MAGI1: variants seen among roughly 807,000 people sequenced by gnomAD.
MAGI1 encodes the protein membrane-associated guanylate kinase, WW and PDZ domain-containing protein 1.
MAGI1 carries 58 observed loss-of-function variants against 139.9 expected under a neutral mutation model. That is an observed-to-expected ratio of 0.41 (90% CI 0.34 to 0.52). The LOEUF is 0.52. Among genes scored for constraint, MAGI1 ranks in the 20% least tolerant of loss-of-function variants. The probability of loss-of-function intolerance (pLI) is 0.12; values close to 1 mark genes in which losing one functional copy is unlikely to be tolerated. For synonymous variants in MAGI1, 812 were observed against 737.9 expected (o/e 1.10, Z -1.63); for missense variants, 1,874 against 1,901.6 (o/e 0.99, Z 0.27).
At chr3:65,963,973 A>G (rs950192017) in intron 1 of MAGI1, among the ~76,000 whole-genome samples, 4 of 152,238 alleles carry the variant, frequency 2.6e-5, no homozygotes, top group African/African-American at 9.6e-5. Flanking sequence ...TGACTAAGCC[A>G]AGCTTCCAAT....
At chr3:65,870,716 GAAAA>G (rs112844485) in intron 1 of MAGI1, among the ~76,000 whole-genome samples, 1 of 124,996 alleles carries the variant, frequency 8.0e-6, no homozygotes, top group Non-Finnish European at 1.7e-5. Flanking sequence ...CCATTTTAGT[GAAAA>G]AAAAAAAAAA....
intron 1 of MAGI1, chr3:65,687,969 A>G (rs1209207228): frequency 5.1e-6 from 4 of 788,722 alleles, no homozygotes; most frequent in Non-Finnish European, 8.9e-6. Context: ...AGTTAAAGTT[A>G]TCATCAGACT....
chr3:65,609,262 ATCTC>A (rs780824422), intron 2 of MAGI1, among the ~76,000 whole-genome samples: 226 of 149,984 alleles, frequency 1.5e-3, no homozygotes, highest in Non-Finnish European at 1.9e-3. Flanking sequence ...TTTCATCTCT[ATCTC>A]TCTCTCTCTC....
chr3:65,381,980 C>T lies in MAGI1; in HGVS notation c.2598G>A (p.Thr866=). 2.5e-6 allele frequency: 4 copies of T among 1,614,126 alleles called. No homozygotes were observed. Among genetic ancestry groups the T allele is most frequent in the Non-Finnish European group, 3.4e-6 (4 of 1,180,024 alleles). ...GCTGGTGTGATTTTCCAATTACTGG[C>T]GTCCCATCCACACAGATTAATTCAT... ...SGDELICVDG[T]PVIGKSHQLV... The change falls in exon 16 of 23, where the codon ACG becomes ACA. Residue 866 remains threonine (T), a synonymous_variant. Coordinates refer to ENST00000402939, the MANE Select transcript of MAGI1 (RefSeq NM_001033057.2).
intron 1 of MAGI1, among the ~76,000 whole-genome samples, chr3:65,959,850 G>C (rs2064336727): frequency 1.7e-5 from 2 of 116,968 alleles, no homozygotes; most frequent in African/African-American, 3.2e-5. Flanking sequence ...CTGTCGCCCA[G>C]GCTGGAGTGC....
chr3:65,608,793 C>T (rs1157493735), intron 2 of MAGI1, among the ~76,000 whole-genome samples: 1 of 152,106 alleles, frequency 6.6e-6, no homozygotes, highest in African/African-American at 2.4e-5. Context: ...GAATTGTGCA[C>T]ATATGTCCAT....
In MAGI1 at chr3:65,743,149, G is replaced by C. The variant is rs534167796; in HGVS notation, c.314-121061C>G. Among the ~76,000 whole-genome samples the C allele has an allele frequency of 7.9e-5, 12 of 152,202 alleles. No individual in the cohort carries two copies. In the East Asian group the frequency reaches 1.2e-3, roughly 15 times the overall value. ...ACCACATCATCTCATTATCACTCTT[G>C]AGATCACTTGTTAAAATAAATAATG... On this transcript the variant is annotated intron_variant, in intron 1 of 22. Coordinates refer to ENST00000402939, the MANE Select transcript of MAGI1 (RefSeq NM_001033057.2).
chr3:65,583,553 A>G (rs1026978027), intron 2 of MAGI1, among the ~76,000 whole-genome samples: 7 of 152,082 alleles, frequency 4.6e-5, no homozygotes, highest in Admixed American at 3.3e-4. Context: ...GGAACTAACT[A>G]CAAGGTTTTT....
chr3:65,950,049 A>AC (rs1160023416), intron 1 of MAGI1, among the ~76,000 whole-genome samples: 8 of 106,474 alleles, frequency 7.5e-5, no homozygotes, highest in Non-Finnish European at 1.4e-4. Context: ...ATCATCAAAA[A>AC]AAAAAAAAAC....
chr3:65,443,710 A>G (rs1468730945), intron 7 of MAGI1, among the ~76,000 whole-genome samples: 1 of 152,146 alleles, frequency 6.6e-6, no homozygotes, highest in Non-Finnish European at 1.5e-5. Context: ...CAATCCTTTC[A>G]GGCAGAACAA....
chr3:65,448,212 T>C, intron 6 of MAGI1, 155 bp from the exon 7 acceptor site: 1 of 711,860 alleles, frequency 1.4e-6, no homozygotes, highest in Non-Finnish European at 2.5e-6. Context: ...TTGGCTTGGA[T>C]AGTAAACTTG....
chr3:65,735,486 A>T (rs1402651284), intron 1 of MAGI1, among the ~76,000 whole-genome samples: 2 of 152,128 alleles, frequency 1.3e-5, no homozygotes, highest in East Asian at 3.9e-4. Context: ...GCGAGATTCC[A>T]TTAAGTTGAT....
Position 65,360,341 on chromosome 3 carries a change from A to G in MAGI1, c.3634+858T>C, listed in dbSNP as rs1319343143. On this transcript the variant is annotated intron_variant, in intron 22 of 22. Coordinates refer to ENST00000402939, the MANE Select transcript of MAGI1 (RefSeq NM_001033057.2). ...GGAAAAAAAGCCCTACATCTAGGGC[A>G]TAGCTTCTTCTTTTTTTTTTTTTTT... 5 of 978,900 alleles carry G rather than the reference A, an allele frequency of 5.1e-6. No individual in the cohort carries two copies. The East Asian group carries it at 3.4e-4, about 67-fold the overall frequency. The allele number at this position is 978,900 out of a possible 1,614,324, so 60.6% of individuals were successfully genotyped here. A position where few individuals can be genotyped will look rare whatever the true frequency, so the allele number is the denominator to read the frequency against.
chr3:65,831,963 G>A (rs2042554357), intron 1 of MAGI1, among the ~76,000 whole-genome samples: 1 of 152,134 alleles, frequency 6.6e-6, no homozygotes. Context: ...AATTGTGGGG[G>A]CCTTGCCTTT....
intron 1 of MAGI1, among the ~76,000 whole-genome samples, chr3:65,704,457 A>G (rs1422323356): frequency 6.6e-6 from 1 of 152,106 alleles, no homozygotes; most frequent in Non-Finnish European, 1.5e-5. Context: ...CAGGCTTCCT[A>G]CGGGGTTTCT....
At chr3:65,518,462 G>C (rs185787324) in intron 2 of MAGI1, among the ~76,000 whole-genome samples, 43 of 152,210 alleles carry the variant, frequency 2.8e-4, no homozygotes, top group African/African-American at 9.6e-4. Flanking sequence ...TTAACTTCAC[G>C]AGAAAATAAT....
intron 2 of MAGI1, among the ~76,000 whole-genome samples, chr3:65,529,633 C>T (rs192986241): frequency 6.6e-6 from 1 of 152,146 alleles, no homozygotes; most frequent in African/African-American, 2.4e-5. Context: ...AAGTTGTTTC[C>T]AACTTTTGGC....
At chr3:65,372,858 A>T (rs895179457) in intron 18 of MAGI1, among the ~76,000 whole-genome samples, 4 of 152,154 alleles carry the variant, frequency 2.6e-5, no homozygotes, top group Non-Finnish European at 4.4e-5. Context: ...CCCCTCTCTC[A>T]GCCTTTACTG....
At chr3:65,456,431 C>G (rs529304089) in intron 5 of MAGI1, among the ~76,000 whole-genome samples, 1 of 151,544 alleles carries the variant, frequency 6.6e-6, no homozygotes, top group South Asian at 2.1e-4. Context: ...ATTCTACATA[C>G]CAGTCCTTTT....
Sources: gnomAD v4.1 joint callset for allele counts (sites outside exome capture counted in the v4.1 genomes callset) on GRCh38, gnomAD v4.1.1 for gene constraint, MANE v1.5 for transcripts, NCBI Gene and HGNC (gene_info 2026-07-23, HGNC 2026-07-21) for gene names.